The following CELSR1 variants were observed in gnomAD, a reference collection of about 807,000 sequenced individuals.
The protein encoded by CELSR1 is adhesion G protein-coupled receptor C1.
A neutral mutation model predicts 249.1 loss-of-function variants in CELSR1; 110 were observed. That is an observed-to-expected ratio of 0.44 (90% CI 0.38 to 0.52). The LOEUF is 0.52. CELSR1 is among the 20% of genes least tolerant of loss of function. The pLI is 0.00. For synonymous variants in CELSR1, 2,113 were observed against 1,900.0 expected, an observed-to-expected ratio of 1.11 and a Z score of -2.92; for missense variants, 4,109 against 4,296.4, an observed-to-expected ratio of 0.96 and a Z score of 1.22.
chr22:46,429,361 A>G lies in CELSR1; in HGVS notation c.4611+4032T>C, dbSNP rs1163573661. On this transcript the variant is annotated intron_variant, in intron 5 of 34. Transcript: ENST00000674500. This position sits in a 1 kb window ranked among gnomAD's most constrained non-coding sequence, Gnocchi z 4.1. ...GGAAAAAACAAACAAACAAACAAAC[A>G]AAAAACCAGCCTGGGGTGAAGCAAC... is the stretch of plus-strand genomic sequence containing the variant. Among the ~76,000 whole-genome samples the G allele has an allele frequency of 6.6e-6, 1 of 152,154 alleles. No individual in the cohort carries two copies. Among genetic ancestry groups the G allele is most frequent in the Non-Finnish European group, 1.5e-5 (1 of 68,038 alleles).
At chr22:46,519,863 C>T (rs186528189) in intron 1 of CELSR1, among the ~76,000 whole-genome samples, 1 of 150,756 alleles carries the variant, frequency 6.6e-6, no homozygotes, top group East Asian at 1.9e-4. Flanking sequence ...TCAGTACCTA[C>T]CCCTATTGCT....
chr22:46,365,501 G>A (rs1472876808), intron 31 of CELSR1, 85 bp downstream of exon 31: 1 of 1,539,606 alleles, frequency 6.5e-7, no homozygotes, highest in Non-Finnish European at 8.8e-7. Context: ...GGCTGCTAGT[G>A]CTTCTTCAGG....
chr22:46,368,551 C>T (rs939708718), intron 27 of CELSR1, among the ~76,000 whole-genome samples: 34 of 151,876 alleles, frequency 2.2e-4, no homozygotes, highest in African/African-American at 6.3e-4. Flanking sequence ...ATTATCCCTT[C>T]GCCCATCCCT....
chr22:46,536,260 G>A lies in CELSR1; in HGVS notation c.911C>T (p.Ala304Val), dbSNP rs1315057852. ...GTCCAGTACGCTGTCCGTGCTCACGGCGCCCGTGGCAGAGTCGATTCGGAA... is the reference window on the plus strand; with the variant it reads ...GTCCAGTACGCTGTCCGTGCTCACGACGCCCGTGGCAGAGTCGATTCGGAA... ...GYFRIDSATG[A>V]VSTDSVLDRE... Residue 304 changes from alanine (A) to valine (V), a missense_variant, in exon 1 of 35, where the codon GCC becomes GTC. By Grantham distance (64) the Ala-to-Val change is moderately conservative (BLOSUM62 0). This residue lies in a region of CELSR1 where 673 missense variants were observed against 636.8 expected (regional missense o/e 1.06). Transcript: ENST00000674500. 2.5e-6 allele frequency: 4 copies of A among 1,612,308 alleles called. No homozygotes were observed. The highest frequency in any genetic ancestry group is 2.7e-5 in the African/African-American group (2 of 75,066).
rs1471964316 is a variant in CELSR1, at chr22:46,526,288, C to G, written c.3544+7339G>C. Among the ~76,000 whole-genome samples, 1 of 152,188 alleles carries G rather than the reference C, an allele frequency of 6.6e-6. No homozygotes were observed. The highest frequency in any genetic ancestry group is 1.9e-4 in the East Asian group (1 of 5,190). On this transcript the variant is annotated intron_variant, in intron 1 of 34. Transcript: ENST00000674500. This position sits in a 1 kb window ranked among gnomAD's most constrained non-coding sequence, Gnocchi z 4.7. ...CCCTTTGGGAGACAATGAGGAAGACCTGACACTGCCCACTCCCAAAGCCCC... is the reference window on the plus strand; with the variant it reads ...CCCTTTGGGAGACAATGAGGAAGACGTGACACTGCCCACTCCCAAAGCCCC...
chr22:46,365,424 G>T, intron 31 of CELSR1, 44 bp from the exon 32 acceptor site: 2 of 1,604,476 alleles, frequency 1.2e-6, no homozygotes, highest in Non-Finnish European at 8.5e-7. Context: ...CCTGGGAGGT[G>T]AGGGAGTCCC....
Position 46,391,262 on chromosome 22 carries a change from T to C in CELSR1, c.6174A>G (p.Ala2058=), listed in dbSNP as rs764370253. 1.2e-6 allele frequency: 2 copies of C among 1,613,648 alleles called. No individual in the cohort carries two copies. Among genetic ancestry groups the C allele is most frequent in the South Asian group, 2.2e-5 (2 of 91,066 alleles). Residue 2058 remains alanine (A), a synonymous_variant, in exon 16 of 35, where the codon GCA becomes GCG. Coordinates refer to ENST00000674500, the MANE Select transcript of CELSR1 (RefSeq NM_001378328.1). The surrounding 1 kb of genome is among the most constrained non-coding windows in gnomAD (Gnocchi z 4.3). ...GTGGCCACCAGATGCCGGCCTCAAA[T>C]GCTTTGGGACAGCCATTGTAGATCA... ...CEVIYNGCPK[A]FEAGIWWPQT...
At chr22:46,503,486 T>C (rs534697553) in intron 1 of CELSR1, among the ~76,000 whole-genome samples, 3 of 152,342 alleles carry the variant, frequency 2.0e-5, no homozygotes, top group African/African-American at 7.2e-5. Context: ...GGGAGGCTAC[T>C]GAGACACAGG....
At chr22:46,487,038 TCACTCC>T (rs61398603) in intron 1 of CELSR1, among the ~76,000 whole-genome samples, 83,751 of 144,072 alleles carry the variant, frequency 0.58, 24,805 homozygotes, top group African/African-American at 0.75. Flanking sequence ...CTTCCTGCCC[TCACTCC>T]CACTCCCACT....
In CELSR1 at chr22:46,364,726, C is replaced by T. The variant is rs747822745; in HGVS notation, c.8565G>A (p.Val2855=). The T allele has an allele frequency of 6.2e-7, 1 of 1,611,880 alleles. No homozygotes were observed. Among genetic ancestry groups the T allele is most frequent in the Non-Finnish European group, 8.5e-7 (1 of 1,179,656 alleles). The change falls in exon 33 of 35, where the codon GTG becomes GTA. Residue 2855 remains valine (V), a synonymous_variant. Coordinates refer to ENST00000674500, the MANE Select transcript of CELSR1 (RefSeq NM_001378328.1). Reference sequence around the variant, plus strand: ...GCCAGCCGGCCGGAACGTGGTTGGCCACAGCGTCCCCTGAGGCACGAGAGC... The same window carrying T: ...GCCAGCCGGCCGGAACGTGGTTGGCTACAGCGTCCCCTGAGGCACGAGAGC... The part of the protein sequence containing the change: ...AVHSTPKGDA[V]ANHVPAGWPD...
At chr22:46,415,955 T>G (rs1470229011) in intron 5 of CELSR1, among the ~76,000 whole-genome samples, 1 of 152,186 alleles carries the variant, frequency 6.6e-6, no homozygotes, top group Non-Finnish European at 1.5e-5. Context: ...AAGGCCGGCG[T>G]GGAGCACGAG....
intron 5 of CELSR1, among the ~76,000 whole-genome samples, chr22:46,418,218 C>A (rs531695779): frequency 4.6e-5 from 7 of 152,220 alleles, no homozygotes; most frequent in Non-Finnish European, 8.8e-5. Context: ...CAGTGGCTCA[C>A]GCCTGTAATC....
Position 46,537,561 on chromosome 22 carries a change from G to C in CELSR1, c.-391C>G, listed in dbSNP as rs1308943676. On this transcript the variant is annotated 5_prime_UTR_variant, in exon 1 of 35. Transcript: ENST00000674500. This position sits in a 1 kb window ranked among gnomAD's most constrained non-coding sequence, Gnocchi z 5.8. ...GGCGGGGGCTGAGTTCCCGGAGCGG[G>C]CTGGGCAGCTCCGCGCCGCGCAGAC... Among the ~76,000 whole-genome samples, 4 of 147,350 alleles carry C rather than the reference G, an allele frequency of 2.7e-5. No homozygotes were observed. The highest frequency in any genetic ancestry group is 9.8e-5 in the African/African-American group (4 of 40,896).
At chr22:46,418,671 G>A (rs576527792) in intron 5 of CELSR1, among the ~76,000 whole-genome samples, 1 of 152,134 alleles carries the variant, frequency 6.6e-6, no homozygotes, top group South Asian at 2.1e-4. Context: ...GCACTGGCCC[G>A]CCATTTCCTC....
intron 5 of CELSR1, among the ~76,000 whole-genome samples, chr22:46,424,679 G>A (rs1457314239): frequency 6.6e-6 from 1 of 152,138 alleles, no homozygotes; most frequent in African/African-American, 2.4e-5. Flanking sequence ...GTCGTATTAA[G>A]AATGTCATAA....
rs1355133160 is a variant in CELSR1, at chr22:46,533,829, G to A, written c.3342C>T (p.Asn1114=). 6.2e-7 allele frequency: 1 copy of A among 1,613,914 alleles called. No individual in the cohort carries two copies. Residue 1114 remains asparagine (N), a synonymous_variant, in exon 1 of 35, where the codon AAC becomes AAT. Coordinates refer to ENST00000674500, the MANE Select transcript of CELSR1 (RefSeq NM_001378328.1). The stretch of plus-strand genomic sequence containing the variant: ...CGCCGGTGGGGAAACTGTTGGACTT[G>A]TTGGTGACATAGTTGTTGAAGAGGA... ...FQILFNNYVT[N]KSNSFPTGVI... is the part of the protein sequence containing the mutation.
intron 33 of CELSR1, 73 bp downstream of exon 33, chr22:46,364,439 C>CCCACCT: frequency 1.3e-6 from 2 of 1,535,070 alleles, no homozygotes; most frequent in South Asian, 2.5e-5. Flanking sequence ...CAGCCCCACT[C>CCCACCT]CCACCTCCAG....
Position 46,364,048 on chromosome 22 carries a change from C to T in CELSR1, c.8983G>A (p.Val2995Met). 3 of 1,611,958 alleles carry T rather than the reference C, an allele frequency of 1.9e-6. No homozygotes were observed. In the South Asian group the frequency reaches 3.3e-5, roughly 18 times the overall value. The change falls in exon 34 of 35, where the codon GTG (valine) becomes ATG (methionine). Residue 2995 changes from valine (V) to methionine (M), a missense_variant. Physicochemically the swap from Val to Met is conservative, Grantham distance 21. Transcript: ENST00000674500. Reference protein sequence around the residue: ...REPGRDHLNGVAMNVRTGSAQ... With the variant: ...REPGRDHLNGMAMNVRTGSAQ... ...CTCCCAGTGCGCACATTCATGGCCACCCCGTTGAGGTGGTCACGCCCCGGC... is the reference window on the plus strand; with the variant it reads ...CTCCCAGTGCGCACATTCATGGCCATCCCGTTGAGGTGGTCACGCCCCGGC...
rs1296111127 is a variant in CELSR1 at position 46,517,925 on chromosome 22, A to G, written c.3544+15702T>C. 1.4e-5 allele frequency among the ~76,000 whole-genome samples: 2 copies of G among 144,712 alleles called. No individual in the cohort carries two copies. Among genetic ancestry groups the G allele is most frequent in the African/African-American group, 5.1e-5 (2 of 38,988 alleles). The allele number at this position is 144,712 out of a possible 152,430, so 94.9% of individuals were successfully genotyped here. On this transcript the variant is annotated intron_variant, in intron 1 of 34. Coordinates refer to ENST00000674500, the MANE Select transcript of CELSR1 (RefSeq NM_001378328.1). The surrounding 1 kb of genome is among the most constrained non-coding windows in gnomAD (Gnocchi z 5.4). The stretch of plus-strand genomic sequence containing the variant: ...CTTCCTTTTTTTTTTTTTTTGAGAC[A>G]GAGTTTCACTTTTGTTGCCCAGGCC...
Sources: allele counts gnomAD v4.1 joint callset (sites outside exome capture counted in the v4.1 genomes callset), GRCh38; gene constraint gnomAD v4.1.1; regional missense constraint gnomAD v4.1.1; non-coding constraint Gnocchi (gnomAD v3.1); transcripts MANE v1.5; gene names NCBI Gene and HGNC (gene_info 2026-07-23, HGNC 2026-07-21).